TYRO3: variants seen among roughly 807,000 people sequenced by gnomAD.
TYRO3 encodes tyrosine-protein kinase receptor TYRO3.
In TYRO3, 38 loss-of-function variants were observed where a neutral mutation model predicts 95.2. The ratio of observed to expected loss-of-function variants is 0.40; its 90% CI spans 0.31 to 0.52. The LOEUF (loss-of-function observed/expected upper bound fraction) is 0.52. Ranked by LOEUF, TYRO3 falls within the 20% of genes least tolerant of loss-of-function variation. The probability of loss-of-function intolerance (pLI) is 0.56; values close to 1 mark genes in which losing one functional copy is unlikely to be tolerated. For synonymous variants in TYRO3, 367 were observed against 432.9 expected (o/e 0.85, Z 1.89); for missense variants, 812 against 1,116.4 (o/e 0.73, Z 3.89).
rs982194707 is a variant in TYRO3, at chr15:41,582,349, C to T, written c.*4073C>T. 1 of 152,082 alleles carries T rather than the reference C, an allele frequency of 6.6e-6. No homozygotes were observed. The highest frequency in any genetic ancestry group is 1.5e-5 in the Non-Finnish European group (1 of 68,014). The allele number at this position is 152,082 out of a possible 1,614,324, so 9.4% of individuals were successfully genotyped here. A position where few individuals can be genotyped will look rare whatever the true frequency, so the allele number is the denominator to read the frequency against. ...CTAACAGGGTGAAACCCTGTCTTTA[C>T]TAAACCCTGTCTTTACTAAAAATAC... On this transcript the variant is annotated 3_prime_UTR_variant, in exon 19 of 19. Transcript: ENST00000263798.
Position 41,570,303 on chromosome 15 carries a change from C to T in TYRO3, c.1446C>T (p.Ser482=), listed in dbSNP as rs769274487. 23 of 1,614,026 alleles carry T rather than the reference C, an allele frequency of 1.4e-5. No homozygotes were observed. In the South Asian group the frequency reaches 2.5e-4, roughly 18 times the overall value. Residue 482 remains serine (S), a synonymous_variant, in exon 11 of 19, where the codon TCC becomes TCT. Transcript: ENST00000263798. The part of the protein sequence containing the change: ...EPAVHFRAAR[S]FNRERPERIE... ...CCGTTCACTTCCGGGCAGCCCGGTC[C>T]TTCAATCGAGAAAGGCCCGAGCGCA... is the stretch of plus-strand genomic sequence containing the variant.
At chr15:41,567,929 A>G (rs963347138) in intron 7 of TYRO3, among the ~76,000 whole-genome samples, 1 of 152,184 alleles carries the variant, frequency 6.6e-6, no homozygotes, top group African/African-American at 2.4e-5. Flanking sequence ...GGCAATTGCA[A>G]AGAGGCTGGC....
chr15:41,564,952 G>A, intron 5 of TYRO3, 74 bp from the exon 6 acceptor site: 1 of 1,002,722 alleles, frequency 1.0e-6, no homozygotes, highest in Non-Finnish European at 1.5e-6. Context: ...AGAGACTCAA[G>A]GCTTGACTCC....
intron 3 of TYRO3, chr15:41,562,048 G>A (rs903032164): frequency 2.1e-5 from 4 of 189,972 alleles, no homozygotes; most frequent in Non-Finnish European, 3.2e-5. Context: ...AATGGGAGCT[G>A]GGGCCTGGCA....
At chr15:41,572,837 C>A (rs1199061221) in intron 15 of TYRO3, among the ~76,000 whole-genome samples, 165 bp from the exon 16 acceptor site, 2 of 152,206 alleles carry the variant, frequency 1.3e-5, no homozygotes, top group African/African-American at 2.4e-5. Context: ...CAGGCTCCCT[C>A]TTAGGCTAGC....
intron 3 of TYRO3, 138 bp from the exon 4 acceptor site, chr15:41,562,410 G>T: frequency 1.4e-6 from 1 of 737,138 alleles, no homozygotes; most frequent in Non-Finnish European, 2.1e-6. Flanking sequence ...CTAGATGCCT[G>T]TTCTGCTGTT....
intron 18 of TYRO3, 192 bp from the exon 19 acceptor site, chr15:41,577,694 C>T (rs2055876770): frequency 5.5e-6 from 3 of 549,924 alleles, no homozygotes; most frequent in South Asian, 2.2e-5. Context: ...GCCATATTGC[C>T]CAGGCTGGTC....
chr15:41,571,097 G>C lies in TYRO3; in HGVS notation c.1639G>C (p.Val547Leu). 1 of 1,614,128 alleles carries C rather than the reference G, an allele frequency of 6.2e-7. No individual in the cohort carries two copies. Among genetic ancestry groups the C allele is most frequent in the Non-Finnish European group, 8.5e-7 (1 of 1,180,008 alleles). The change falls in exon 13 of 19, where the codon GTG (valine) becomes CTG (leucine). Residue 547 changes from valine to leucine, a missense_variant. Coordinates refer to ENST00000263798, the MANE Select transcript of TYRO3 (RefSeq NM_006293.4). ...GCAAGAGGATGGCTCCTTTGTGAAAGTGGCTGTGAAGATGCTGAAAGGTGA... is the reference window on the plus strand; with the variant it reads ...GCAAGAGGATGGCTCCTTTGTGAAACTGGCTGTGAAGATGCTGAAAGGTGA... ...LKQEDGSFVK[V>L]AVKMLKADII...
chr15:41,560,921 G>A (rs1160311415), intron 1 of TYRO3, among the ~76,000 whole-genome samples: 1 of 152,218 alleles, frequency 6.6e-6, no homozygotes, highest in Non-Finnish European at 1.5e-5. Flanking sequence ...TAGAGCCGGA[G>A]GGAACTTGGA....
intron 6 of TYRO3, among the ~76,000 whole-genome samples, chr15:41,566,634 T>C (rs929388596): frequency 1.3e-5 from 2 of 152,172 alleles, no homozygotes; most frequent in Non-Finnish European, 2.9e-5. Context: ...AGCTTGGATA[T>C]GCAGTCAGCA....
chr15:41,578,428 A>G lies in TYRO3; in HGVS notation c.*152A>G. Reference sequence around the variant, plus strand: ...TGTGCTGGGAAGCCCGGACTGACCAAATCACCCAATCCCAGTTCTTCCTGC... The same window carrying G: ...TGTGCTGGGAAGCCCGGACTGACCAGATCACCCAATCCCAGTTCTTCCTGC... On this transcript the variant is annotated 3_prime_UTR_variant, in exon 19 of 19. Transcript: ENST00000263798. 1 of 994,124 alleles carries G rather than the reference A, an allele frequency of 1.0e-6. No individual in the cohort carries two copies. Among genetic ancestry groups the G allele is most frequent in the Non-Finnish European group, 1.4e-6 (1 of 694,262 alleles). The allele number at this position is 994,124 out of a possible 1,614,324, so 61.6% of individuals were successfully genotyped here.
At chr15:41,576,639 G>A (rs2055863472) in intron 18 of TYRO3, among the ~76,000 whole-genome samples, 1 of 140,780 alleles carries the variant, frequency 7.1e-6, no homozygotes, top group African/African-American at 2.7e-5. Flanking sequence ...TGATTCAGTA[G>A]GTTTCCTTTT....
chr15:41,561,352 G>T (rs1369382499), intron 2 of TYRO3, 42 bp downstream of exon 2: 6 of 1,595,708 alleles, frequency 3.8e-6, no homozygotes, highest in Admixed American at 1.7e-5. Flanking sequence ...CAGCCAGGGG[G>T]CAGGCTATGC....
At chr15:41,564,514 G>A (rs1208230827) in intron 5 of TYRO3, among the ~76,000 whole-genome samples, 3 of 152,186 alleles carry the variant, frequency 2.0e-5, no homozygotes, top group Non-Finnish European at 4.4e-5. Context: ...TCCTTGGGAG[G>A]GAGGGAAGGA....
chr15:41,564,818 C>T, intron 5 of TYRO3: 1 of 560,354 alleles, frequency 1.8e-6, no homozygotes, highest in East Asian at 3.0e-5. Flanking sequence ...CAACCTCTCT[C>T]CACAGCCCAG....
At chr15:41,573,926 C>A in intron 18 of TYRO3, 111 bp downstream of exon 18, 1 of 1,259,490 alleles carries the variant, frequency 7.9e-7, no homozygotes, top group Non-Finnish European at 1.1e-6. Context: ...TAGAAACATC[C>A]TTGTAGTTGG....
Position 41,573,036 on chromosome 15 carries a change from T to G in TYRO3, c.1910T>G (p.Val637Gly). The change falls in exon 16 of 19, where the codon GTG (valine) becomes GGG (glycine). Residue 637 changes from valine (V) to glycine (G), a missense_variant. By Grantham distance (109) the Val-to-Gly change is moderately radical (BLOSUM62 -3). Transcript: ENST00000263798. ...CTCCAGACCCTGATCCGGTTCATGG[T>G]GGACATTGCCTGCGGCATGGAGTAC... is the stretch of plus-strand genomic sequence containing the variant. ...LPLQTLIRFM[V>G]DIACGMEYLS... The G allele has an allele frequency of 6.2e-7, 1 of 1,614,168 alleles. No individual in the cohort carries two copies. Among genetic ancestry groups the G allele is most frequent in the South Asian group, 1.1e-5 (1 of 91,068 alleles).
intron 18 of TYRO3, among the ~76,000 whole-genome samples, chr15:41,576,351 G>C (rs2055860440): frequency 6.6e-6 from 1 of 151,312 alleles, no homozygotes; most frequent in South Asian, 2.1e-4. Context: ...GCACCACCCT[G>C]CCCAGCTAAT....
chr15:41,580,991 G>A lies in TYRO3; in HGVS notation c.*2715G>A, dbSNP rs1473054821. ...GGATCACTTCAGGCCGGGAGTTCGA[G>A]ACCAGCCTGGGCAACATGAAACCCC... On this transcript the variant is annotated 3_prime_UTR_variant, in exon 19 of 19. Coordinates refer to ENST00000263798, the MANE Select transcript of TYRO3 (RefSeq NM_006293.4). The A allele has an allele frequency of 2.0e-5, 3 of 150,724 alleles. No individual in the cohort carries two copies. The highest frequency in any genetic ancestry group is 4.4e-5 in the Non-Finnish European group (3 of 67,770). 9.3% of individuals were successfully genotyped at this position (150,724 alleles called of 1,614,324 possible).
Sources: allele counts gnomAD v4.1 joint callset (sites outside exome capture counted in the v4.1 genomes callset), GRCh38; gene constraint gnomAD v4.1.1; transcripts MANE v1.5; gene names NCBI Gene and HGNC (gene_info 2026-07-23, HGNC 2026-07-21).